The following NCOA3 variants were observed in gnomAD, a reference collection of about 807,000 sequenced individuals.
The protein encoded by NCOA3 is CBP-interacting protein.
Under a neutral mutation model 158.8 loss-of-function variants are expected in NCOA3, and 51 were observed. That is an observed-to-expected ratio of 0.32 (90% confidence interval 0.26 to 0.41). The LOEUF is 0.41. Among genes scored for constraint, NCOA3 ranks in the 10% least tolerant of loss-of-function variants. The pLI is 1.00. For missense variants in NCOA3, 1,510 were observed against 1,746.6 expected (o/e 0.86, Z 2.41); for synonymous variants, 537 against 592.4 (o/e 0.91, Z 1.36).
At position 47,635,692 on chromosome 20, in the gene NCOA3, C is replaced by T. The variant is rs757138630; in HGVS notation, c.1483C>T (p.His495Tyr). The T allele has an allele frequency of 2.5e-6, 4 of 1,613,768 alleles. No individual in the cohort carries two copies. Among genetic ancestry groups the T allele is most frequent in the Non-Finnish European group, 3.4e-6 (4 of 1,179,734 alleles). Residue 495 changes from histidine to tyrosine, a missense_variant, in exon 11 of 23, where the codon CAT (histidine) becomes TAT (tyrosine). Coordinates refer to ENST00000371998, the MANE Select transcript of NCOA3 (RefSeq NM_181659.3). ...TCGTGGGAGTCCAAAGATAGCCTCA[C>T]ATCAGTTTTCTCCTGTTGCAGGTAT... The part of the protein sequence containing the change: ...RNRGSPKIAS[H>Y]QFSPVAGVHS...
At chr20:47,513,839 G>T (rs1415148663) in intron 1 of NCOA3, among the ~76,000 whole-genome samples, 1 of 151,928 alleles carries the variant, frequency 6.6e-6, no homozygotes, top group East Asian at 1.9e-4. Context: ...TTGAGTGCCA[G>T]TTACTTAGGT....
intron 2 of NCOA3, among the ~76,000 whole-genome samples, chr20:47,589,164 G>A (rs1412452127): frequency 6.6e-6 from 1 of 152,066 alleles, no homozygotes; most frequent in African/African-American, 2.4e-5. Context: ...AAGTGCTTGG[G>A]AGTAAGCTAC....
chr20:47,575,436 G>A (rs1157271486), intron 1 of NCOA3, among the ~76,000 whole-genome samples: 6 of 152,134 alleles, frequency 3.9e-5, no homozygotes, highest in Non-Finnish European at 8.8e-5. Flanking sequence ...CTTGGGAATT[G>A]TTACTAGAAA....
intron 1 of NCOA3, among the ~76,000 whole-genome samples, chr20:47,526,650 A>T (rs2084456813): frequency 6.6e-6 from 1 of 152,272 alleles, no homozygotes; most frequent in African/African-American, 2.4e-5. Flanking sequence ...AATCGCAGGC[A>T]CTTGGCAAGC....
chr20:47,600,144 G>GTGTGTGTATTTTATA (rs2085834196), intron 2 of NCOA3, among the ~76,000 whole-genome samples: 1 of 144,274 alleles, frequency 6.9e-6, no homozygotes, highest in Non-Finnish European at 1.5e-5. Flanking sequence ...GTGTGTGTGT[G>GTGTGTGTATTTTATA]TATTTTATAT....
intron 8 of NCOA3, 99 bp downstream of exon 8, chr20:47,628,122 T>C (rs1340193457): frequency 2.7e-6 from 2 of 744,976 alleles, no homozygotes; most frequent in Non-Finnish European, 4.5e-6. Context: ...TGTACTATCA[T>C]AGAAATGTAT....
At position 47,522,993 on chromosome 20, in the gene NCOA3, A is replaced by G. The variant is rs187769411; in HGVS notation, c.-99+20974A>G. Reference sequence around the variant, plus strand: ...ATCACGAGGTCAGGAGATCGAGACCATCCTGGCTAACACAGTGAAACCCCG... The same window carrying G: ...ATCACGAGGTCAGGAGATCGAGACCGTCCTGGCTAACACAGTGAAACCCCG... On this transcript the variant is annotated intron_variant, in intron 1 of 22. Transcript: ENST00000371998. Among the ~76,000 whole-genome samples the G allele has an allele frequency of 5.6e-3, 845 of 152,064 alleles. 4 individuals are homozygous for G. Among genetic ancestry groups the G allele is most frequent in the Admixed American group, 0.011 (169 of 15,282 alleles).
intron 17 of NCOA3, 35 bp from the exon 18 acceptor site, chr20:47,647,038 T>A (rs1183827137): frequency 6.4e-7 from 1 of 1,573,134 alleles, no homozygotes; most frequent in Non-Finnish European, 8.6e-7. Flanking sequence ...CTTTCATAGA[T>A]GTTCTTCACT....
chr20:47,567,521 C>T (rs977100070), intron 1 of NCOA3, among the ~76,000 whole-genome samples: 1 of 152,162 alleles, frequency 6.6e-6, no homozygotes, highest in South Asian at 2.1e-4. Flanking sequence ...CTCACCTCAA[C>T]CTCCCAAGTA....
intron 1 of NCOA3, among the ~76,000 whole-genome samples, chr20:47,548,661 A>G (rs1265235845): frequency 6.6e-6 from 1 of 152,226 alleles, no homozygotes; most frequent in East Asian, 1.9e-4. Context: ...TGCAATTGAG[A>G]AATGCTTTTA....
intron 2 of NCOA3, among the ~76,000 whole-genome samples, chr20:47,585,046 CTT>C (rs11473989): frequency 1.1e-5 from 1 of 91,342 alleles, no homozygotes. Flanking sequence ...CCTTTCTTAA[CTT>C]TTTTTTTTTT....
intron 2 of NCOA3, among the ~76,000 whole-genome samples, chr20:47,588,083 AAAATTT>A (rs929555305): frequency 3.3e-5 from 5 of 151,654 alleles, no homozygotes; most frequent in African/African-American, 1.2e-4. Flanking sequence ...GTAAACAGTT[AAAATTT>A]AAATTGCTTG....
chr20:47,502,320 C>A (rs2083946592), intron 1 of NCOA3, among the ~76,000 whole-genome samples: 1 of 152,134 alleles, frequency 6.6e-6, no homozygotes, highest in African/African-American at 2.4e-5. Context: ...TGCGGGGGGA[C>A]TGCAGGGGCC....
intron 1 of NCOA3, among the ~76,000 whole-genome samples, chr20:47,525,155 CAAG>C (rs2084407275): frequency 6.7e-6 from 1 of 149,906 alleles, no homozygotes; most frequent in Non-Finnish European, 1.5e-5. Flanking sequence ...ATGCTGCCTT[CAAG>C]CATCTGTTTA....
chr20:47,502,963 AC>A (rs945798623), intron 1 of NCOA3, among the ~76,000 whole-genome samples: 1 of 152,014 alleles, frequency 6.6e-6, no homozygotes, highest in African/African-American at 2.4e-5. Context: ...CGAAGTCGAA[AC>A]TTTTTTCCCC....
At chr20:47,544,514 A>G (rs982146394) in intron 1 of NCOA3, among the ~76,000 whole-genome samples, 2 of 151,558 alleles carry the variant, frequency 1.3e-5, no homozygotes, top group African/African-American at 4.8e-5. Flanking sequence ...TGAAGTTTGT[A>G]TTTTGTTTTA....
chr20:47,639,485 G>C, intron 14 of NCOA3, 92 bp from the exon 15 acceptor site: 1 of 1,504,470 alleles, frequency 6.6e-7, no homozygotes. Flanking sequence ...GTTTTGTCAA[G>C]GTTGATGTTG....
intron 20 of NCOA3, among the ~76,000 whole-genome samples, chr20:47,651,681 T>C (rs926200772): frequency 9.9e-5 from 15 of 152,086 alleles, no homozygotes. Context: ...ATTTTTTTTT[T>C]GAGATGGGGG....
chr20:47,640,441 T>A (rs1002411807), intron 16 of NCOA3, among the ~76,000 whole-genome samples: 14 of 152,296 alleles, frequency 9.2e-5, no homozygotes, highest in African/African-American at 2.2e-4. Flanking sequence ...TAAACTTTTT[T>A]AAAAAAACTT....
Sources: gnomAD v4.1 joint callset for allele counts (sites outside exome capture counted in the v4.1 genomes callset) on GRCh38, gnomAD v4.1.1 for gene constraint, MANE v1.5 for transcripts, NCBI Gene and HGNC (gene_info 2026-07-23, HGNC 2026-07-21) for gene names.